Variants in GPC5 observed in about 807,000 individuals in gnomAD.
The protein encoded by GPC5 is glypican 5.
GPC5 carries 47 observed loss-of-function variants against 53.9 expected under a neutral mutation model. The observed-to-expected ratio is 0.87, with a 90% CI of 0.69 to 1.11. The LOEUF (loss-of-function observed/expected upper bound fraction) is 1.11. GPC5 is among the 50% of genes most tolerant of loss of function. The pLI is 0.00. For missense variants in GPC5, 748 were observed against 713.1 expected, an observed-to-expected ratio of 1.05 and a Z score of -0.56; for synonymous variants, 286 against 263.3, an observed-to-expected ratio of 1.09 and a Z score of -0.84.
At chr13:91,742,120 T>C (rs1220501828) in intron 4 of GPC5, among the ~76,000 whole-genome samples, 1 of 152,114 alleles carries the variant, frequency 6.6e-6, no homozygotes, top group African/African-American at 2.4e-5. Flanking sequence ...GGAGGGAACA[T>C]GAGCTCATGA....
At chr13:92,584,232 C>T (rs1254328290) in intron 7 of GPC5, among the ~76,000 whole-genome samples, 1 of 152,132 alleles carries the variant, frequency 6.6e-6, no homozygotes, top group African/African-American at 2.4e-5. Flanking sequence ...AGTTTGGAAC[C>T]TCCTAGAGAC....
At chr13:91,744,078 G>A (rs1022021979) in intron 4 of GPC5, among the ~76,000 whole-genome samples, 5 of 151,948 alleles carry the variant, frequency 3.3e-5, no homozygotes, top group South Asian at 2.1e-4. Flanking sequence ...TAAAACCAAA[G>A]GATTTATAGT....
intron 7 of GPC5, among the ~76,000 whole-genome samples, chr13:92,257,491 C>A (rs1180455494): frequency 6.9e-6 from 1 of 145,718 alleles, no homozygotes; most frequent in Admixed American, 7.0e-5. Context: ...AGATTCTCTG[C>A]ACTTAGCATG....
intron 2 of GPC5, among the ~76,000 whole-genome samples, chr13:91,482,265 C>CAGTGTTCTTCCTCTTGGGAGAATGT (rs1883345307): frequency 6.6e-6 from 1 of 152,156 alleles, no homozygotes; most frequent in African/African-American, 2.4e-5. Context: ...ATGCGAGGAA[C>CAGTGTTCTTCCTCTTGGGAGAATGT]AGTGTTCTTC....
At chr13:92,833,006 A>AAAAC (rs1377844531) in intron 7 of GPC5, among the ~76,000 whole-genome samples, 1 of 152,326 alleles carries the variant, frequency 6.6e-6, no homozygotes, top group Non-Finnish European at 1.5e-5. Context: ...ACTGCGTCTC[A>AAAAC]AAACAAACAA....
intron 7 of GPC5, among the ~76,000 whole-genome samples, chr13:92,813,937 C>A (rs1198237197): frequency 6.6e-6 from 1 of 152,010 alleles, no homozygotes; most frequent in Non-Finnish European, 1.5e-5. Context: ...ATAGCCAAAA[C>A]AATTTGCAAA....
chr13:92,348,611 T>C (rs1022671049), intron 7 of GPC5, among the ~76,000 whole-genome samples: 6 of 152,082 alleles, frequency 3.9e-5, no homozygotes, highest in African/African-American at 1.4e-4. Context: ...TTCCATCCAA[T>C]AGCAACAGCA....
At chr13:92,778,636 G>A (rs188753096) in intron 7 of GPC5, among the ~76,000 whole-genome samples, 70 of 152,020 alleles carry the variant, frequency 4.6e-4, no homozygotes, top group African/African-American at 1.4e-3. Context: ...GAATGGAATC[G>A]TGTCTATTCT....
rs183343201 is a variant in GPC5 at position 92,812,713 on chromosome 13, A to G, written c.1562-53569A>G. ...TGATCCTATGCATAGAAAGTCCTAA[A>G]ACATCCACAAGAAATCTTACTAAAG... On this transcript the variant is annotated intron_variant, in intron 7 of 7. Transcript: ENST00000377067. Among the ~76,000 whole-genome samples the G allele has an allele frequency of 4.9e-3, 747 of 151,996 alleles. 16 individuals carry two copies. Among genetic ancestry groups the G allele is most frequent in the African/African-American group, 0.017 (703 of 41,378 alleles).
intron 7 of GPC5, among the ~76,000 whole-genome samples, chr13:92,194,129 T>C (rs2042241889): frequency 1.3e-5 from 2 of 152,180 alleles, no homozygotes; most frequent in South Asian, 4.1e-4. Flanking sequence ...CTATTACTTC[T>C]TTATGGCAAT....
At chr13:92,451,284 T>C (rs1007263962) in intron 7 of GPC5, among the ~76,000 whole-genome samples, 3 of 152,158 alleles carry the variant, frequency 2.0e-5, no homozygotes, top group African/African-American at 7.2e-5. Flanking sequence ...ATCACAAATT[T>C]AGCAGTGCAT....
intron 5 of GPC5, among the ~76,000 whole-genome samples, chr13:91,894,788 T>A (rs1236295913): frequency 6.6e-6 from 1 of 152,104 alleles, no homozygotes; most frequent in Admixed American, 6.6e-5. Context: ...AATCAGAGTG[T>A]GTACAAAAAT....
At chr13:92,599,633 C>A (rs1883984094) in intron 7 of GPC5, among the ~76,000 whole-genome samples, 1 of 152,124 alleles carries the variant, frequency 6.6e-6, no homozygotes, top group Non-Finnish European at 1.5e-5. Flanking sequence ...GTCGGTTGGC[C>A]TTGCTAAACA....
chr13:92,584,534 C>A lies in GPC5; in HGVS notation c.1562-281748C>A, dbSNP rs184687398. 2.0e-4 allele frequency among the ~76,000 whole-genome samples: 31 copies of A among 152,140 alleles called. No individual in the cohort carries two copies. The East Asian group carries it at 5.2e-3, about 26-fold the overall frequency. ...ACTCAGTTTTATAAGGGAAGCAGAA[C>A]ATAAAAGGTCAGAAAATTTGCAGCC... On this transcript the variant is annotated intron_variant, in intron 7 of 7. Transcript: ENST00000377067.
chr13:92,483,483 T>C (rs1879432895), intron 7 of GPC5, among the ~76,000 whole-genome samples: 1 of 152,178 alleles, frequency 6.6e-6, no homozygotes, highest in Non-Finnish European at 1.5e-5. Context: ...GAAATTACTA[T>C]GAATGGAGCT....
At chr13:92,594,759 A>G (rs1242596036) in intron 7 of GPC5, among the ~76,000 whole-genome samples, 2 of 152,202 alleles carry the variant, frequency 1.3e-5, no homozygotes, top group East Asian at 3.9e-4. Context: ...CTTGAAATGA[A>G]ACGTCCCCAT....
At chr13:91,491,035 C>T (rs1883915380) in intron 2 of GPC5, among the ~76,000 whole-genome samples, 2 of 152,118 alleles carry the variant, frequency 1.3e-5, no homozygotes, top group South Asian at 4.1e-4. Flanking sequence ...TGTTTCTTGT[C>T]CTACAAGATG....
At chr13:91,478,811 A>C (rs1883099577) in intron 2 of GPC5, among the ~76,000 whole-genome samples, 1 of 121,834 alleles carries the variant, frequency 8.2e-6, no homozygotes, top group African/African-American at 3.3e-5. Flanking sequence ...ATATATATAT[A>C]TATATATATA....
intron 6 of GPC5, among the ~76,000 whole-genome samples, chr13:92,061,276 T>C (rs1264136074): frequency 2.0e-5 from 3 of 152,040 alleles, no homozygotes; most frequent in Non-Finnish European, 4.4e-5. Flanking sequence ...TTTGCAAGAT[T>C]AGAGCTAATT....
Sources: allele counts gnomAD v4.1 joint callset (sites outside exome capture counted in the v4.1 genomes callset), GRCh38; gene constraint gnomAD v4.1.1; transcripts MANE v1.5; gene names NCBI Gene and HGNC (gene_info 2026-07-23, HGNC 2026-07-21).